RIF1: variants seen among roughly 807,000 people sequenced by gnomAD.
RIF1 encodes the protein telomere-associated protein RIF1.
Under a neutral mutation model 247.1 loss-of-function variants are expected in RIF1, and 45 were observed. The observed-to-expected ratio is 0.18, with a 90% CI of 0.14 to 0.23. The LOEUF (loss-of-function observed/expected upper bound fraction) is 0.23. RIF1 is among the 10% of genes least tolerant of loss of function. The pLI, the probability that RIF1 is intolerant of heterozygous loss-of-function variation, is 1.00. For missense variants in RIF1, 2,967 were observed against 2,862.5 expected (o/e 1.04, Z -0.83); for synonymous variants, 1,087 against 978.8 (o/e 1.11, Z -2.06).
At chr2:151,512,261 C>T (rs2075079544), downstream of RIF1, among the ~76,000 whole-genome samples, 2 of 151,964 alleles carry the variant, frequency 1.3e-5, no homozygotes, top group Non-Finnish European at 2.9e-5. Context: ...GTCTGGATCT[C>T]CTGACCTTGT....
intron 10 of RIF1, chr2:151,498,434 AAGGG>A: frequency 1.1e-6 from 1 of 945,220 alleles, no homozygotes. Context: ...TGGGAGTGGG[AAGGG>A]AGGAAGAGAG....
intron 20 of RIF1, among the ~76,000 whole-genome samples, chr2:151,446,966 C>CTT (rs1693389147): frequency 7.0e-6 from 1 of 142,540 alleles, no homozygotes; most frequent in Admixed American, 7.0e-5. Context: ...TTTTTTGAGA[C>CTT]GGAGTCTCGC....
chr2:151,474,714 T>G, intron 35 of RIF1, 143 bp from the exon 36 acceptor site: 1 of 620,350 alleles, frequency 1.6e-6, no homozygotes, highest in Non-Finnish European at 2.8e-6. Context: ...CTGGTAGATT[T>G]TTTTGTGTGC....
At chr2:151,526,364 A>T in the RIF1 span, 8 of 816,682 alleles carry the variant, frequency 9.8e-6, no homozygotes, top group Non-Finnish European at 1.6e-5. Flanking sequence ...GACAATACTA[A>T]ACTCAATAAA....
intron 9 of RIF1, among the ~76,000 whole-genome samples, chr2:151,490,747 C>T (rs935106834): frequency 3.3e-5 from 5 of 152,186 alleles, no homozygotes; most frequent in African/African-American, 1.2e-4. Context: ...AGTTGTACAG[C>T]CAGGTTTCAA....
chr2:151,489,846 TAAA>T (rs1256141540), intron 9 of RIF1: 5 of 581,466 alleles, frequency 8.6e-6, no homozygotes, highest in African/African-American at 5.7e-5. Context: ...AAACATGTAA[TAAA>T]AGAGCATTAT....
chr2:151,447,358 G>A lies in RIF1; in HGVS notation c.2244+783G>A, dbSNP rs111307408. 1.6e-3 allele frequency among the ~76,000 whole-genome samples: 237 copies of A among 152,336 alleles called. 1 individual carries two copies. Among genetic ancestry groups the A allele is most frequent in the African/African-American group, 5.4e-3 (223 of 41,594 alleles). Reference sequence around the variant, plus strand: ...CATTTGTATATTGATCCTTGCATATGCATTTGAATATATGGTATTCTTGCC... The same window carrying A: ...CATTTGTATATTGATCCTTGCATATACATTTGAATATATGGTATTCTTGCC... On this transcript the variant is annotated intron_variant, in intron 20 of 35. Coordinates refer to ENST00000444746, the MANE Select transcript of RIF1 (RefSeq NM_018151.5).
intron 20 of RIF1, 127 bp from the exon 21 acceptor site, chr2:151,451,479 A>G (rs1558991433): frequency 1.6e-6 from 1 of 626,460 alleles, no homozygotes; most frequent in East Asian, 2.9e-5. Context: ...AATGTACTGT[A>G]AGCTGTGGCA....
At chr2:151,506,550 T>C (rs1411120405) in intron 13 of RIF1, among the ~76,000 whole-genome samples, 3 of 152,118 alleles carry the variant, frequency 2.0e-5, no homozygotes, top group Non-Finnish European at 4.4e-5. Flanking sequence ...CCTCCCCATA[T>C]GTAACACAAA....
chr2:151,450,473 T>G (rs1407628377), intron 20 of RIF1, among the ~76,000 whole-genome samples: 1 of 152,220 alleles, frequency 6.6e-6, no homozygotes, highest in African/African-American at 2.4e-5. Flanking sequence ...ATGTTTTCAT[T>G]GTAATGTGTT....
chr2:151,499,877 A>G (rs571603783), intron 11 of RIF1, among the ~76,000 whole-genome samples: 3 of 152,268 alleles, frequency 2.0e-5, no homozygotes, highest in Middle Eastern at 3.4e-3. Flanking sequence ...GGCATTGTCT[A>G]TTTTCCACAG....
chr2:151,508,132 A>G (rs1194877177), downstream of RIF1: 10 of 1,535,960 alleles, frequency 6.5e-6, no homozygotes, highest in Admixed American at 7.2e-5. Flanking sequence ...TCCAAGAAAT[A>G]AGGAGGGTAA....
At chr2:151,410,601 C>A in intron 2 of RIF1, 74 bp downstream of exon 2, 2 of 1,190,928 alleles carry the variant, frequency 1.7e-6, no homozygotes, top group Non-Finnish European at 1.2e-6. Context: ...TTGGGAGGGG[C>A]GCGTAGAATG....
intron 3 of RIF1, among the ~76,000 whole-genome samples, chr2:151,414,453 C>T (rs965390107): frequency 6.6e-6 from 1 of 152,212 alleles, no homozygotes; most frequent in African/African-American, 2.4e-5. Context: ...TGTCACTCCA[C>T]TCTAAAGCTA....
chr2:151,522,599 C>T, the RIF1 span, among the ~76,000 whole-genome samples: 1 of 152,120 alleles, frequency 6.6e-6, no homozygotes, highest in Non-Finnish European at 1.5e-5. Flanking sequence ...AACAAATTTC[C>T]ACAGCAATCT....
rs535538207 is a variant in RIF1, at chr2:151,440,162, C to T, written c.1647+35C>T. On this transcript the variant is annotated intron_variant, in intron 15 of 35. Transcript: ENST00000444746. ...ATACCCGTATGTTGGACTTTAAAAA[C>T]CATTTTCTGAAGTTAAATTTTATAT... is the stretch of plus-strand genomic sequence containing the variant. 2.1e-5 allele frequency: 24 copies of T among 1,144,242 alleles called. No homozygotes were observed. The South Asian group carries it at 3.0e-4, about 14-fold the overall frequency. The allele number at this position is 1,144,242 out of a possible 1,614,324, so 70.9% of individuals were successfully genotyped here. A position where few individuals can be genotyped will look rare whatever the true frequency, so the allele number is the denominator to read the frequency against.
intron 31 of RIF1, 70 bp from the exon 32 acceptor site, chr2:151,468,404 G>A: frequency 8.0e-7 from 1 of 1,250,652 alleles, no homozygotes; most frequent in Non-Finnish European, 1.2e-6. Flanking sequence ...TGCAGTCTAA[G>A]TTGTAAAAAT....
chr2:151,411,700 C>T (rs1036857362), intron 3 of RIF1, among the ~76,000 whole-genome samples: 6 of 152,160 alleles, frequency 3.9e-5, no homozygotes, highest in African/African-American at 1.2e-4. Context: ...TGTGTCCAGC[C>T]ACTTTTGGTG....
rs147217687 is a variant in RIF1, at chr2:151,446,254, C to T, written c.2095-172C>T. 1.3e-3 allele frequency among the ~76,000 whole-genome samples: 205 copies of T among 152,300 alleles called. 6 individuals are homozygous for T. The East Asian group carries it at 0.034, about 25-fold the overall frequency. On this transcript the variant is annotated intron_variant, in intron 19 of 35. Transcript: ENST00000444746. ...CCTCAGGTGATCCACCAACCTCGGC[C>T]TCCCAGAGTGCTGGGGTTACAGGCG...
Sources: allele counts gnomAD v4.1 joint callset (sites outside exome capture counted in the v4.1 genomes callset), GRCh38; gene constraint gnomAD v4.1.1; transcripts MANE v1.5; gene names NCBI Gene and HGNC (gene_info 2026-07-23, HGNC 2026-07-21).